DPP10: variants seen among roughly 807,000 people sequenced by gnomAD.
DPP10 encodes dipeptidyl peptidase like 10, also known as inactive dipeptidyl peptidase 10.
DPP10 carries 33 observed loss-of-function variants against 120.9 expected under a neutral mutation model. The ratio of observed to expected loss-of-function variants is 0.27; its 90% CI spans 0.21 to 0.37. DPP10 has a LOEUF of 0.37. Ranked by LOEUF, DPP10 falls within the 10% of genes least tolerant of loss-of-function variation. The pLI, the probability that DPP10 is intolerant of heterozygous loss-of-function variation, is 1.00. For synonymous variants in DPP10, 337 were observed against 326.1 expected (o/e 1.03, Z -0.36); for missense variants, 816 against 942.8 (o/e 0.87, Z 1.76).
chr2:114,587,837 C>G (rs1691131185), intron 1 of DPP10, among the ~76,000 whole-genome samples: 1 of 152,284 alleles, frequency 6.6e-6, no homozygotes, highest in African/African-American at 2.4e-5. Context: ...ATACTAGAAA[C>G]AGGTATTGTC....
chr2:114,898,256 C>A (rs1017840547), intron 1 of DPP10, among the ~76,000 whole-genome samples: 5 of 151,792 alleles, frequency 3.3e-5, no homozygotes, highest in East Asian at 3.9e-4. Context: ...GGACAAAAAA[C>A]CAAACACTGC....
intron 1 of DPP10, among the ~76,000 whole-genome samples, chr2:114,637,990 A>T (rs531017937): frequency 1.3e-5 from 2 of 151,980 alleles, no homozygotes; most frequent in African/African-American, 4.8e-5. Context: ...TTCCATATAA[A>T]TTTTAGAATA....
intron 1 of DPP10, among the ~76,000 whole-genome samples, chr2:115,075,338 C>T (rs1289312736): frequency 2.0e-5 from 3 of 152,142 alleles, no homozygotes; most frequent in African/African-American, 7.2e-5. Context: ...CCAAAAGATA[C>T]AATCAGTATG....
At chr2:114,547,333 G>T (rs1028207861) in intron 1 of DPP10, among the ~76,000 whole-genome samples, 4 of 152,198 alleles carry the variant, frequency 2.6e-5, no homozygotes, top group African/African-American at 7.2e-5. Flanking sequence ...CCCCTGCAGG[G>T]TCTGGATGCA....
At chr2:115,176,100 G>C (rs1480539007) in intron 1 of DPP10, among the ~76,000 whole-genome samples, 1 of 152,028 alleles carries the variant, frequency 6.6e-6, no homozygotes, top group East Asian at 1.9e-4. Context: ...GCTGACACTT[G>C]TCCTAGAGGA....
At position 114,729,872 on chromosome 2, in the gene DPP10, A is replaced by G. The variant is rs115110197; in HGVS notation, c.60+287034A>G. Among the ~76,000 whole-genome samples, 636 of 152,336 alleles carry G rather than the reference A, an allele frequency of 4.2e-3. 3 individuals carry two copies. Among genetic ancestry groups the G allele is most frequent in the Non-Finnish European group, 7.4e-3 (505 of 68,034 alleles). On this transcript the variant is annotated intron_variant, in intron 1 of 25. Transcript: ENST00000410059. ...AGTGGGCAAAAACAGACGACTTGCAAGAAAGTAATTCCTTAAAAATGGACC... is the reference window on the plus strand; with the variant it reads ...AGTGGGCAAAAACAGACGACTTGCAGGAAAGTAATTCCTTAAAAATGGACC...
At chr2:114,526,704 G>A (rs1685528857) in intron 1 of DPP10, among the ~76,000 whole-genome samples, 1 of 152,074 alleles carries the variant, frequency 6.6e-6, no homozygotes, top group African/African-American at 2.4e-5. Context: ...TCGCATGATG[G>A]AAGGAATGAG....
At chr2:115,074,934 A>G (rs1212648266) in intron 1 of DPP10, among the ~76,000 whole-genome samples, 1 of 152,250 alleles carries the variant, frequency 6.6e-6, no homozygotes, top group Non-Finnish European at 1.5e-5. Context: ...TATATGAGGT[A>G]GAAGACCACA....
At position 115,002,684 on chromosome 2, in the gene DPP10, C is replaced by T. The variant is rs191639375; in HGVS notation, c.61-306555C>T. The stretch of plus-strand genomic sequence containing the variant: ...AATGTACAAGAAAAAAATAACCCCA[C>T]TAATAAGTGAGCAAAGAACATGAAC... On this transcript the variant is annotated intron_variant, in intron 1 of 25. Transcript: ENST00000410059. Among the ~76,000 whole-genome samples the T allele has an allele frequency of 1.2e-4, 18 of 152,128 alleles. No individual in the cohort carries two copies. In the East Asian group the frequency reaches 3.5e-3, roughly 29 times the overall value.
At chr2:114,956,618 A>G (rs1698223861) in intron 1 of DPP10, among the ~76,000 whole-genome samples, 2 of 152,150 alleles carry the variant, frequency 1.3e-5, no homozygotes, top group African/African-American at 4.8e-5. Flanking sequence ...TTGAAACCAT[A>G]AAAGACCCCA....
At chr2:115,599,975 G>T (rs1251709278) in intron 5 of DPP10, among the ~76,000 whole-genome samples, 2 of 151,986 alleles carry the variant, frequency 1.3e-5, no homozygotes, top group African/African-American at 2.4e-5. Flanking sequence ...CTGAATTAAG[G>T]GTTCCTTTTT....
intron 1 of DPP10, among the ~76,000 whole-genome samples, chr2:114,481,510 C>T (rs1263981508): frequency 6.6e-6 from 1 of 152,090 alleles, no homozygotes; most frequent in Non-Finnish European, 1.5e-5. Context: ...AGCAATTGTA[C>T]TCTTTGGCAT....
chr2:115,617,057 CATTG>C (rs36135320), intron 5 of DPP10, among the ~76,000 whole-genome samples: 54,302 of 149,870 alleles, frequency 0.36, 10,325 homozygotes, highest in African/African-American at 0.46. Context: ...AGTCTTGATT[CATTG>C]ATTAATTATT....
chr2:114,889,546 C>T (rs1250432249), intron 1 of DPP10, among the ~76,000 whole-genome samples: 3 of 151,848 alleles, frequency 2.0e-5, no homozygotes, highest in Non-Finnish European at 2.9e-5. Context: ...GTTGAATGTA[C>T]CAACAACACT....
intron 3 of DPP10, among the ~76,000 whole-genome samples, chr2:115,403,100 A>C (rs1320101377): frequency 6.6e-6 from 1 of 151,502 alleles, no homozygotes; most frequent in Non-Finnish European, 1.5e-5. Context: ...TAGGATGCAA[A>C]GATGGTTCAA....
At chr2:115,687,713 G>A (rs1379795913) in intron 5 of DPP10, among the ~76,000 whole-genome samples, 2 of 152,038 alleles carry the variant, frequency 1.3e-5, no homozygotes, top group Admixed American at 1.3e-4. Flanking sequence ...CACACCATTT[G>A]AAGACATATA....
chr2:115,584,158 A>G (rs1485131977), intron 5 of DPP10, among the ~76,000 whole-genome samples: 2 of 152,162 alleles, frequency 1.3e-5, no homozygotes, highest in East Asian at 1.9e-4. Flanking sequence ...TTCTTGAAGT[A>G]TTGTTTAACT....
intron 1 of DPP10, among the ~76,000 whole-genome samples, chr2:114,466,521 A>G (rs1679393449): frequency 6.6e-6 from 1 of 152,116 alleles, no homozygotes; most frequent in Non-Finnish European, 1.5e-5. Context: ...TGTCAGAGCT[A>G]TGTGACCTTA....
At chr2:114,727,474 A>G (rs1676447498) in intron 1 of DPP10, among the ~76,000 whole-genome samples, 3 of 152,204 alleles carry the variant, frequency 2.0e-5, no homozygotes, top group Non-Finnish European at 4.4e-5. Context: ...TTGTTTTTAA[A>G]GGATAAAAAT....
Sources: gnomAD v4.1 joint callset for allele counts (sites outside exome capture counted in the v4.1 genomes callset) on GRCh38, gnomAD v4.1.1 for gene constraint, MANE v1.5 for transcripts, NCBI Gene and HGNC (gene_info 2026-07-23, HGNC 2026-07-21) for gene names.